NAALADL2: variants seen among roughly 807,000 people sequenced by gnomAD.
NAALADL2 encodes inactive N-acetylated-alpha-linked acidic dipeptidase-like protein 2.
In NAALADL2, 76 loss-of-function variants were observed where a neutral mutation model predicts 87.2. The observed-to-expected ratio is 0.87, with a 90% confidence interval of 0.72 to 1.05. The LOEUF (loss-of-function observed/expected upper bound fraction) is 1.05. Ranked by LOEUF, NAALADL2 falls within the 50% of genes least tolerant of loss-of-function variation. The probability of loss-of-function intolerance (pLI) is 0.00; values close to 1 mark genes in which losing one functional copy is unlikely to be tolerated. For missense variants in NAALADL2, 1,089 were observed against 945.8 expected, an observed-to-expected ratio of 1.15 and a Z score of -1.99; for synonymous variants, 354 against 331.0, an observed-to-expected ratio of 1.07 and a Z score of -0.75.
chr3:175,725,577 T>C (rs1386065792), intron 11 of NAALADL2, among the ~76,000 whole-genome samples: 1 of 152,114 alleles, frequency 6.6e-6, no homozygotes, highest in African/African-American at 2.4e-5. Context: ...ATGTTCACAT[T>C]TGGTAAATAT....
intron 5 of NAALADL2, among the ~76,000 whole-genome samples, chr3:175,428,499 A>C (rs1717201889): frequency 6.6e-6 from 1 of 152,088 alleles, no homozygotes; most frequent in Non-Finnish European, 1.5e-5. Context: ...GAGGTTGAGA[A>C]GTTCAGCCCA....
chr3:174,503,379 G>A (rs1237411378), intron 1 of NAALADL2, among the ~76,000 whole-genome samples: 1 of 151,948 alleles, frequency 6.6e-6, no homozygotes, highest in African/African-American at 2.4e-5. Context: ...ATCTTATTAT[G>A]CTTATGCCAG....
At chr3:175,719,038 T>C (rs1174655709) in intron 11 of NAALADL2, among the ~76,000 whole-genome samples, 1 of 152,126 alleles carries the variant, frequency 6.6e-6, no homozygotes, top group African/African-American at 2.4e-5. Flanking sequence ...TAGTTGCGAT[T>C]GGGCCAGGGG....
Position 175,801,289 on chromosome 3 carries a change from A to G in NAALADL2, c.2190-1716A>G, listed in dbSNP as rs1301615556. Among the ~76,000 whole-genome samples, 4 of 152,058 alleles carry G rather than the reference A, an allele frequency of 2.6e-5. No individual in the cohort carries two copies. The East Asian group carries it at 7.7e-4, about 29-fold the overall frequency. On this transcript the variant is annotated intron_variant, in intron 13 of 13. Transcript: ENST00000454872. ...ATAATCACCTTTCTTTCTTGCTTAC[A>G]TCCTTTTGCTGGTTTCCTATTGCTT...
chr3:174,889,708 A>G (rs1730635080), intron 1 of NAALADL2, among the ~76,000 whole-genome samples: 1 of 152,032 alleles, frequency 6.6e-6, no homozygotes, highest in Non-Finnish European at 1.5e-5. Context: ...ATGAAAGAAG[A>G]AAAGAGACCT....
At position 175,737,327 on chromosome 3, in the gene NAALADL2, C is replaced by T; in HGVS notation, c.1918C>T (p.Gln640Ter). 1.2e-6 allele frequency: 2 copies of T among 1,609,696 alleles called. No individual in the cohort carries two copies. The highest frequency in any genetic ancestry group is 1.7e-6 in the Non-Finnish European group (2 of 1,176,374). Residue 640 changes from glutamine to a stop codon, truncating the protein, a stop_gained, in exon 12 of 14, where the codon CAA (glutamine) becomes TAA (stop). Transcript: ENST00000454872. LOFTEE classifies it high-confidence loss of function. ...TCAGCTCTCAGGAGAAGTGATTTTG[C>T]AAATTGCCAACGAACCTGTTCTGCC... ...ITKLSGEVIL[Q>*]IANEPVLPFN...
intron 3 of NAALADL2, among the ~76,000 whole-genome samples, chr3:174,824,196 C>T (rs1721736377): frequency 6.6e-6 from 1 of 151,878 alleles, no homozygotes; most frequent in Admixed American, 6.6e-5. Flanking sequence ...ATGTCTGTTA[C>T]ATTAAAATTA....
intron 10 of NAALADL2, among the ~76,000 whole-genome samples, chr3:175,601,095 C>T (rs985592336): frequency 7.2e-5 from 11 of 151,916 alleles, no homozygotes; most frequent in Non-Finnish European, 1.5e-5. Flanking sequence ...TTTAGGCATA[C>T]GGATAAATGA....
At chr3:175,667,241 A>AAGAAAGAAAGAAAG (rs1182682303) in intron 11 of NAALADL2, among the ~76,000 whole-genome samples, 5 of 91,786 alleles carry the variant, frequency 5.4e-5, no homozygotes, top group African/African-American at 2.5e-4. Context: ...GAAAGAAAGA[A>AAGAAAGAAAGAAAG]AAAGAAAGAA....
intron 2 of NAALADL2, among the ~76,000 whole-genome samples, chr3:174,553,035 G>C (rs1234234119): frequency 6.6e-6 from 1 of 152,056 alleles, no homozygotes; most frequent in Admixed American, 6.6e-5. Flanking sequence ...GTGGACTTTT[G>C]TGTCTCCACT....
intron 2 of NAALADL2, among the ~76,000 whole-genome samples, chr3:174,571,453 CA>C (rs938591307): frequency 3.3e-5 from 5 of 152,034 alleles, no homozygotes; most frequent in African/African-American, 1.2e-4. Context: ...CTGTGCCCAC[CA>C]AAAACTCCGC....
In NAALADL2 at chr3:175,087,992, C is replaced by T. The variant is rs189952403; in HGVS notation, c.44-8798C>T. On this transcript the variant is annotated intron_variant, in intron 1 of 13. Transcript: ENST00000454872. ...TACTTTCTTAGTAATGAATGAACTT[C>T]ACAATTCTTGGTTTTCTTTCCATTA... is the stretch of plus-strand genomic sequence containing the variant. Among the ~76,000 whole-genome samples, 17 of 151,806 alleles carry T rather than the reference C, an allele frequency of 1.1e-4. No homozygotes were observed. In the East Asian group the frequency reaches 2.5e-3, roughly 22 times the overall value.
intron 2 of NAALADL2, among the ~76,000 whole-genome samples, chr3:174,558,967 A>G (rs1324856573): frequency 6.6e-6 from 1 of 152,148 alleles, no homozygotes; most frequent in Non-Finnish European, 1.5e-5. Context: ...AATCTGATCA[A>G]TTAGAAGTGG....
intron 1 of NAALADL2, among the ~76,000 whole-genome samples, chr3:174,522,705 C>T (rs149619522): frequency 0.013 from 1,958 of 151,794 alleles, 36 homozygotes; most frequent in African/African-American, 0.046. Context: ...GAGGCTGAGG[C>T]GGGTGGATCA....
chr3:175,254,035 G>A (rs559945038), intron 3 of NAALADL2, among the ~76,000 whole-genome samples: 16 of 152,200 alleles, frequency 1.1e-4, no homozygotes, highest in East Asian at 3.9e-4. Context: ...AGAATACTAC[G>A]TAAACTGAGT....
intron 2 of NAALADL2, among the ~76,000 whole-genome samples, chr3:174,583,322 C>A (rs1054147546): frequency 7.9e-5 from 12 of 152,054 alleles, no homozygotes; most frequent in African/African-American, 2.9e-4. Context: ...ACTAAAGTAC[C>A]ATGCCATTTT....
At chr3:174,492,286 A>G (rs1223056899) in intron 1 of NAALADL2, among the ~76,000 whole-genome samples, 1 of 152,042 alleles carries the variant, frequency 6.6e-6, no homozygotes, top group African/African-American at 2.4e-5. Context: ...AAAAAAAGAA[A>G]AAAAGAAAAA....
chr3:175,095,972 C>T (rs938460728), intron 1 of NAALADL2, among the ~76,000 whole-genome samples: 1 of 152,040 alleles, frequency 6.6e-6, no homozygotes, highest in Admixed American at 6.6e-5. Context: ...AGCTGTCATC[C>T]AAAGCTGTGC....
chr3:175,054,616 G>T (rs1711717916), intron 1 of NAALADL2, among the ~76,000 whole-genome samples: 2 of 152,164 alleles, frequency 1.3e-5, no homozygotes, highest in Admixed American at 1.3e-4. Flanking sequence ...AGCAGCCATT[G>T]TTCTATCCAA....
Sources: gnomAD v4.1 joint callset for allele counts (sites outside exome capture counted in the v4.1 genomes callset) on GRCh38, gnomAD v4.1.1 for gene constraint, MANE v1.5 for transcripts, NCBI Gene and HGNC (gene_info 2026-07-23, HGNC 2026-07-21) for gene names.